Variants in NEXMIF observed in about 807,000 individuals in gnomAD.
NEXMIF encodes XLMR protein related to neurite extension.
In NEXMIF, 8 loss-of-function variants were observed where a neutral mutation model predicts 62.1. That is an observed-to-expected ratio of 0.13 (90% CI 0.08 to 0.23). The LOEUF (loss-of-function observed/expected upper bound fraction) is 0.23. Ranked by LOEUF, NEXMIF falls within the 10% of genes least tolerant of loss-of-function variation. NEXMIF has a pLI of 1.00. For synonymous variants in NEXMIF, 404 were observed against 416.6 expected (o/e 0.97, Z 0.37); for missense variants, 976 against 1,113.3 (o/e 0.88, Z 1.75).
intron 1 of NEXMIF, among the ~76,000 whole-genome samples, chrX:74,748,388 C>T (rs2147443868): frequency 9.0e-6 from 1 of 111,682 alleles, no homozygotes; most frequent in South Asian, 3.7e-4. Context: ...TTCTACATAC[C>T]TATTTACTTA....
At chrX:74,920,659 T>C (rs1297485770) in intron 1 of NEXMIF, among the ~76,000 whole-genome samples, 1 of 112,113 alleles carries the variant, frequency 8.9e-6, no homozygotes, top group Non-Finnish European at 1.9e-5. Flanking sequence ...TTTTGTTTTT[T>C]GTTGCCATTG....
chrX:74,764,999 ATCTG>A (rs1186445222), intron 1 of NEXMIF, among the ~76,000 whole-genome samples: 3 of 111,443 alleles, frequency 2.7e-5, no homozygotes, highest in African/African-American at 9.8e-5. Context: ...TGCCTTGATG[ATCTG>A]TCTAATACTG....
chrX:74,788,936 C>T (rs959815498), intron 1 of NEXMIF, among the ~76,000 whole-genome samples: 1 of 110,933 alleles, frequency 9.0e-6, no homozygotes. Context: ...GAGAAGAAGA[C>T]ATCCCATTGA....
intron 1 of NEXMIF, among the ~76,000 whole-genome samples, chrX:74,798,383 A>G (rs750395456): frequency 2.8e-4 from 31 of 112,359 alleles, no homozygotes; most frequent in Non-Finnish European, 4.7e-4. Flanking sequence ...TCTTCTCTCA[A>G]TCAAAACTTA....
At chrX:74,886,051 A>C (rs1602266574) in intron 1 of NEXMIF, among the ~76,000 whole-genome samples, 1 of 112,219 alleles carries the variant, frequency 8.9e-6, no homozygotes, top group Admixed American at 9.4e-5. Flanking sequence ...CAAAAACCAC[A>C]TGGTTATCTC....
chrX:74,766,217 A>T (rs756984253), intron 1 of NEXMIF, among the ~76,000 whole-genome samples: 1 of 110,720 alleles, frequency 9.0e-6, no homozygotes, highest in South Asian at 3.9e-4. Context: ...GTTTCTTGGG[A>T]TGATCATCTT....
At chrX:74,901,987 G>A (rs1466509362) in intron 1 of NEXMIF, among the ~76,000 whole-genome samples, 1 of 110,737 alleles carries the variant, frequency 9.0e-6, no homozygotes, top group East Asian at 2.8e-4. Flanking sequence ...AATGTCGTAG[G>A]GGAAACCAAG....
chrX:74,801,269 C>T (rs756702758), intron 1 of NEXMIF, among the ~76,000 whole-genome samples: 7 of 111,879 alleles, frequency 6.3e-5, no homozygotes, highest in Non-Finnish European at 1.3e-4. Flanking sequence ...ATGAATAATG[C>T]TACTATAAAC....
At position 74,884,514 on chromosome X, in the gene NEXMIF, A is replaced by C. The variant is rs180889593; in HGVS notation, c.-48+40369T>G. On this transcript the variant is annotated intron_variant, in intron 1 of 3. Transcript: ENST00000055682. ...TGCAATCCTAGTCTCTGATAAAACA[A>C]ACTTTAAACCAACAAAGATCAAAAG... Among the ~76,000 whole-genome samples, 3 of 111,679 alleles carry C rather than the reference A, an allele frequency of 2.7e-5. No individual in the cohort carries two copies. In the East Asian group the frequency reaches 8.4e-4, roughly 31 times the overall value.
chrX:74,815,197 T>C (rs748867099), intron 1 of NEXMIF, among the ~76,000 whole-genome samples: 4 of 112,168 alleles, frequency 3.6e-5, no homozygotes, highest in African/African-American at 6.5e-5. Flanking sequence ...TTATTTTATG[T>C]ATCAAAGCTA....
chrX:74,824,797 C>T (rs763290932), intron 1 of NEXMIF, among the ~76,000 whole-genome samples: 8 of 110,208 alleles, frequency 7.3e-5, no homozygotes, highest in African/African-American at 2.0e-4. Flanking sequence ...TACAGGCACC[C>T]GCCACCACGC....
chrX:74,894,235 C>A (rs1365749107), intron 1 of NEXMIF, among the ~76,000 whole-genome samples: 2 of 111,099 alleles, frequency 1.8e-5, no homozygotes, highest in Admixed American at 1.9e-4. Flanking sequence ...CAGGCGGAGG[C>A]TGCAGTGAGC....
chrX:74,880,626 T>C (rs1428799986), intron 1 of NEXMIF, among the ~76,000 whole-genome samples: 3 of 112,295 alleles, frequency 2.7e-5, no homozygotes, highest in Non-Finnish European at 5.6e-5. Context: ...TGGTAAAGCC[T>C]AATGGAATGA....
At chrX:74,916,905 C>T (rs1286163478) in intron 1 of NEXMIF, among the ~76,000 whole-genome samples, 1 of 111,117 alleles carries the variant, frequency 9.0e-6, no homozygotes, top group Non-Finnish European at 1.9e-5. Context: ...TTTATCTGTC[C>T]CCAATATCTC....
At chrX:74,914,185 T>C (rs1172061562) in intron 1 of NEXMIF, among the ~76,000 whole-genome samples, 16 of 112,151 alleles carry the variant, frequency 1.4e-4, no homozygotes, top group African/African-American at 5.2e-4. Context: ...AAAATGTTGA[T>C]ACTAGTAGAC....
At chrX:74,815,332 C>A (rs1004804307) in intron 1 of NEXMIF, among the ~76,000 whole-genome samples, 1 of 111,536 alleles carries the variant, frequency 9.0e-6, no homozygotes, top group Non-Finnish European at 1.9e-5. Flanking sequence ...TTAAGCTATT[C>A]CTTTTCCCCT....
chrX:74,861,204 G>A (rs552202496), intron 1 of NEXMIF, among the ~76,000 whole-genome samples: 1 of 111,580 alleles, frequency 9.0e-6, no homozygotes, highest in South Asian at 3.7e-4. Context: ...GCAACCACAA[G>A]TATCAGTAAC....
At chrX:74,776,095 C>G (rs2080227692) in intron 1 of NEXMIF, among the ~76,000 whole-genome samples, 1 of 110,992 alleles carries the variant, frequency 9.0e-6, no homozygotes, top group Non-Finnish European at 1.9e-5. Flanking sequence ...AAAATTCTGG[C>G]CCTGTTGAAC....
chrX:74,878,483 C>G (rs1371928487), intron 1 of NEXMIF, among the ~76,000 whole-genome samples: 1 of 112,810 alleles, frequency 8.9e-6, no homozygotes, highest in East Asian at 2.8e-4. Flanking sequence ...CCTACAGAGG[C>G]AGGCAGGCCT....
Sources: gnomAD v4.1 joint callset for allele counts (sites outside exome capture counted in the v4.1 genomes callset) on GRCh38, gnomAD v4.1.1 for gene constraint, MANE v1.5 for transcripts, NCBI Gene and HGNC (gene_info 2026-07-23, HGNC 2026-07-21) for gene names.